PRDM5: variants seen among roughly 807,000 people sequenced by gnomAD.
The protein encoded by PRDM5 is PR domain zinc finger protein 5.
Under a neutral mutation model 81.2 loss-of-function variants are expected in PRDM5, and 56 were observed. That is an observed-to-expected ratio of 0.69 (90% CI 0.56 to 0.86). PRDM5 has a LOEUF of 0.86. Among genes scored for constraint, PRDM5 ranks in the 40% least tolerant of loss-of-function variants. PRDM5 has a pLI of 0.00. For synonymous variants in PRDM5, 267 were observed against 256.4 expected (o/e 1.04, Z -0.39); for missense variants, 697 against 770.1 (o/e 0.91, Z 1.12).
At chr4:120,724,715 TA>T (rs1265164378) in intron 14 of PRDM5, among the ~76,000 whole-genome samples, 3 of 151,954 alleles carry the variant, frequency 2.0e-5, no homozygotes, top group East Asian at 1.9e-4. Flanking sequence ...TATCTAATTC[TA>T]AAAAAAACAT....
chr4:120,813,140 G>A (rs1446162420), intron 7 of PRDM5: 1 of 152,462 alleles, frequency 6.6e-6, no homozygotes, highest in Non-Finnish European at 1.5e-5. Context: ...TTCTTATGTA[G>A]TGATTATGTT....
intron 2 of PRDM5, among the ~76,000 whole-genome samples, chr4:120,886,605 T>C (rs534939400): frequency 6.6e-6 from 1 of 152,314 alleles, no homozygotes; most frequent in African/African-American, 2.4e-5. Context: ...TTTTAACCTT[T>C]AAGTAACTTA....
chr4:120,885,155 AAGT>A (rs1406688376), intron 2 of PRDM5, among the ~76,000 whole-genome samples: 1 of 142,624 alleles, frequency 7.0e-6, no homozygotes, highest in African/African-American at 2.8e-5. Context: ...AAAAAAAAAA[AAGT>A]AAAAAAGAAA....
chr4:120,797,772 T>C (rs1406670898), intron 10 of PRDM5, among the ~76,000 whole-genome samples: 2 of 152,158 alleles, frequency 1.3e-5, no homozygotes, highest in East Asian at 1.9e-4. Flanking sequence ...ATGGTGTTGA[T>C]AGCAGAAGTC....
At chr4:120,725,202 T>G (rs1017837180) in intron 14 of PRDM5, among the ~76,000 whole-genome samples, 2 of 151,722 alleles carry the variant, frequency 1.3e-5, no homozygotes, top group African/African-American at 4.8e-5. Flanking sequence ...CAAAGGTAAC[T>G]GCAGAAGTTT....
intron 2 of PRDM5, among the ~76,000 whole-genome samples, chr4:120,890,101 T>C (rs140282483): frequency 6.6e-6 from 1 of 152,188 alleles, no homozygotes; most frequent in African/African-American, 2.4e-5. Flanking sequence ...GGGTAATTTA[T>C]AAAGAAAAGA....
At chr4:120,877,182 C>A (rs2148565511) in intron 2 of PRDM5, among the ~76,000 whole-genome samples, 1 of 152,238 alleles carries the variant, frequency 6.6e-6, no homozygotes, top group East Asian at 1.9e-4. Context: ...AGGAAGAGAG[C>A]ATGAGGTAAG....
downstream of PRDM5, among the ~76,000 whole-genome samples, chr4:120,687,949 T>C (rs1200945935): frequency 6.6e-6 from 1 of 152,110 alleles, no homozygotes; most frequent in East Asian, 1.9e-4. Context: ...AATTATCAAG[T>C]CTTAGGTATT....
At chr4:120,719,147 C>CGGGT (rs1395010532) in intron 14 of PRDM5, among the ~76,000 whole-genome samples, 1 of 152,176 alleles carries the variant, frequency 6.6e-6, no homozygotes, top group Non-Finnish European at 1.5e-5. Flanking sequence ...CTGTCCTGTG[C>CGGGT]ACCCACTAGA....
chr4:120,798,502 A>G (rs1346969982), intron 9 of PRDM5, 78 bp from the exon 10 acceptor site: 57 of 1,307,024 alleles, frequency 4.4e-5, no homozygotes, highest in Non-Finnish European at 5.8e-5. Context: ...CTTACCTTAT[A>G]TTACTTCTTA....
intron 14 of PRDM5, among the ~76,000 whole-genome samples, chr4:120,720,091 A>G (rs1389751251): frequency 6.6e-6 from 1 of 151,908 alleles, no homozygotes; most frequent in African/African-American, 2.4e-5. Flanking sequence ...TCTCTCCCCA[A>G]CCCCAGCATA....
At chr4:120,790,897 C>T (rs1467442874) in intron 10 of PRDM5, among the ~76,000 whole-genome samples, 2 of 152,002 alleles carry the variant, frequency 1.3e-5, no homozygotes, top group South Asian at 2.1e-4. Flanking sequence ...GAGTGGAGAT[C>T]GTGCCACTGC....
At chr4:120,816,214 T>C (rs1754461296) in intron 7 of PRDM5, 3 of 598,248 alleles carry the variant, frequency 5.0e-6, no homozygotes, top group Admixed American at 6.1e-5. Flanking sequence ...AACTAGACTT[T>C]AACTAAGGCT....
intron 10 of PRDM5, among the ~76,000 whole-genome samples, chr4:120,791,603 G>A (rs925876431): frequency 6.6e-6 from 1 of 152,112 alleles, no homozygotes; most frequent in African/African-American, 2.4e-5. Flanking sequence ...TCAGCCTCAG[G>A]ACACTGAGTG....
At chr4:120,824,352 C>G (rs1468565100) in intron 3 of PRDM5, among the ~76,000 whole-genome samples, 1 of 152,146 alleles carries the variant, frequency 6.6e-6, no homozygotes. Context: ...CCCTTGAGCA[C>G]AGTCCCTCCT....
chr4:120,684,728 A>G (rs897879305), downstream of PRDM5, among the ~76,000 whole-genome samples: 12 of 152,112 alleles, frequency 7.9e-5, no homozygotes, highest in South Asian at 1.0e-3. Context: ...TCTTTTGCTC[A>G]GAGAACCAGT....
chr4:120,716,650 A>G (rs1197503343), intron 14 of PRDM5, among the ~76,000 whole-genome samples: 2 of 152,188 alleles, frequency 1.3e-5, no homozygotes, highest in Non-Finnish European at 2.9e-5. Context: ...AATTCATGGC[A>G]GATACTAGTC....
chr4:120,705,927 T>C (rs1411130837), intron 15 of PRDM5, among the ~76,000 whole-genome samples: 1 of 152,106 alleles, frequency 6.6e-6, no homozygotes, highest in Non-Finnish European at 1.5e-5. Context: ...CTGGATTAGA[T>C]GTAGGGTGTG....
chr4:120,878,567 T>A (rs1292335209), intron 2 of PRDM5, among the ~76,000 whole-genome samples: 1 of 152,168 alleles, frequency 6.6e-6, no homozygotes, highest in Non-Finnish European at 1.5e-5. Context: ...ATTGGTAAGT[T>A]TGACTTTATT....
Sources: allele counts gnomAD v4.1 joint callset (sites outside exome capture counted in the v4.1 genomes callset), GRCh38; gene constraint gnomAD v4.1.1; transcripts MANE v1.5; gene names NCBI Gene and HGNC (gene_info 2026-07-23, HGNC 2026-07-21).